The following ADGRL2 variants were observed in gnomAD, a reference collection of about 807,000 sequenced individuals.
The protein encoded by ADGRL2 is calcium-independent alpha-latrotoxin receptor 2.
Under a neutral mutation model 157.4 loss-of-function variants are expected in ADGRL2, and 44 were observed. The ratio of observed to expected loss-of-function variants is 0.28; its 90% CI spans 0.22 to 0.36. ADGRL2 has a LOEUF of 0.36. Ranked by LOEUF, ADGRL2 falls within the 10% of genes least tolerant of loss-of-function variation. The probability of loss-of-function intolerance (pLI) is 1.00; values close to 1 mark genes in which losing one functional copy is unlikely to be tolerated. For missense variants in ADGRL2, 1,510 were observed against 1,768.9 expected (o/e 0.85, Z 2.63); for synonymous variants, 585 against 624.7 (o/e 0.94, Z 0.95).
chr1:81,559,169 A>G (rs1029909629), intron 2 of ADGRL2, among the ~76,000 whole-genome samples: 2 of 152,166 alleles, frequency 1.3e-5, no homozygotes, highest in Non-Finnish European at 2.9e-5. Context: ...TGACCTCACC[A>G]TTAGCCTCTC....
intron 2 of ADGRL2, chr1:81,503,159 T>C (rs1056641720): frequency 6.2e-7 from 1 of 1,614,126 alleles, no homozygotes; most frequent in African/African-American, 1.3e-5. Flanking sequence ...CGCAACTTTT[T>C]CAGCATGGCA....
chr1:81,546,009 G>T (rs7539626), intron 2 of ADGRL2, among the ~76,000 whole-genome samples: 2,264 of 152,246 alleles, frequency 0.015, 56 homozygotes, highest in African/African-American at 0.051. Context: ...CACTGGGTGC[G>T]GGGGGAAGGG....
chr1:81,423,839 A>G (rs369210105), intron 1 of ADGRL2, among the ~76,000 whole-genome samples: 1 of 152,338 alleles, frequency 6.6e-6, no homozygotes, highest in East Asian at 1.9e-4. Context: ...AGCAAAGGTT[A>G]AATTGCTCTT....
At chr1:81,861,084 T>C (rs1337995008) in intron 2 of ADGRL2, among the ~76,000 whole-genome samples, 1 of 148,056 alleles carries the variant, frequency 6.8e-6, no homozygotes, top group African/African-American at 2.5e-5. Context: ...TGGCACAATC[T>C]CGGCTCACTG....
At chr1:81,535,859 G>A (rs1276615852) in intron 2 of ADGRL2, among the ~76,000 whole-genome samples, 5 of 152,050 alleles carry the variant, frequency 3.3e-5, no homozygotes, top group Admixed American at 6.6e-5. Context: ...TTAGAGGCAG[G>A]ATATAAAATG....
intron 2 of ADGRL2, among the ~76,000 whole-genome samples, chr1:81,888,840 A>G (rs956754812): frequency 6.6e-6 from 1 of 152,116 alleles, no homozygotes; most frequent in African/African-American, 2.4e-5. Context: ...TGCTCACTTC[A>G]TGTGTCTGTG....
intron 2 of ADGRL2, among the ~76,000 whole-genome samples, chr1:81,528,338 G>A (rs536238327): frequency 6.6e-6 from 1 of 152,066 alleles, no homozygotes; most frequent in Non-Finnish European, 1.5e-5. Context: ...GAAGGTAGCT[G>A]AGGTTCTTTA....
intron 3 of ADGRL2, among the ~76,000 whole-genome samples, chr1:81,933,241 AC>A (rs1199788241): frequency 1.3e-5 from 2 of 151,974 alleles, no homozygotes; most frequent in East Asian, 1.9e-4. Context: ...ACTCATTAAA[AC>A]CCTATTTTTT....
In ADGRL2 at chr1:81,475,247, A is replaced by G. The variant is rs151036569; in HGVS notation, c.-248+30158A>G. Among the ~76,000 whole-genome samples, 425 of 152,254 alleles carry G rather than the reference A, an allele frequency of 2.8e-3. 2 individuals carry two copies. Among genetic ancestry groups the G allele is most frequent in the African/African-American group, 9.6e-3 (397 of 41,548 alleles). Reference sequence around the variant, plus strand: ...GGGCATAAGTCATTACTGCCTTTCAAAATATAGGATGGTGGTGATTATTTT... The same window carrying G: ...GGGCATAAGTCATTACTGCCTTTCAGAATATAGGATGGTGGTGATTATTTT... On this transcript the variant is annotated intron_variant, in intron 2 of 24. Coordinates refer to the ADGRL2 transcript ENST00000370721.
intron 1 of ADGRL2, chr1:81,721,814 C>A: frequency 1.9e-6 from 2 of 1,026,842 alleles, no homozygotes; most frequent in Non-Finnish European, 3.0e-6. Flanking sequence ...CGGTAAAGTA[C>A]CACCTGCTAC....
At chr1:81,629,619 A>T (rs2081972846) in intron 3 of ADGRL2, among the ~76,000 whole-genome samples, 1 of 152,068 alleles carries the variant, frequency 6.6e-6, no homozygotes, top group Non-Finnish European at 1.5e-5. Flanking sequence ...CTTGGATCAT[A>T]ACAGGCAACA....
chr1:81,728,245 TG>T (rs1414991927), intron 1 of ADGRL2, among the ~76,000 whole-genome samples: 3 of 152,200 alleles, frequency 2.0e-5, no homozygotes, highest in Admixed American at 1.3e-4. Flanking sequence ...GTGAGAAACT[TG>T]TAGCCTGATT....
intron 1 of ADGRL2, among the ~76,000 whole-genome samples, chr1:81,442,783 T>C (rs1335829584): frequency 6.6e-6 from 1 of 152,176 alleles, no homozygotes; most frequent in Non-Finnish European, 1.5e-5. Flanking sequence ...GAAGGTCCCA[T>C]TGTAGAAGAA....
At chr1:81,694,934 T>C (rs992630326), upstream of ADGRL2, among the ~76,000 whole-genome samples, 15 of 152,314 alleles carry the variant, frequency 9.8e-5, no homozygotes, top group Admixed American at 6.5e-4. Context: ...CTTTTAGTAG[T>C]ATGTGTTATA....
At chr1:81,484,647 C>T (rs1251043156) in intron 2 of ADGRL2, among the ~76,000 whole-genome samples, 1 of 152,124 alleles carries the variant, frequency 6.6e-6, no homozygotes, top group East Asian at 1.9e-4. Context: ...ACAGTGTAGG[C>T]AGCATTTTAG....
intron 3 of ADGRL2, among the ~76,000 whole-genome samples, chr1:81,637,394 A>C (rs933984330): frequency 6.6e-6 from 1 of 152,208 alleles, no homozygotes; most frequent in African/African-American, 2.4e-5. Context: ...GCTAGTAGGT[A>C]GTAGAAAGAG....
intron 1 of ADGRL2, among the ~76,000 whole-genome samples, chr1:81,835,874 C>G (rs558146063): frequency 3.9e-5 from 6 of 152,066 alleles, no homozygotes; most frequent in Non-Finnish European, 7.4e-5. Context: ...AAGATAGTAC[C>G]TTTATAGGTA....
chr1:81,984,429 T>G, intron 19 of ADGRL2, 154 bp from the exon 20 acceptor site: 1 of 685,890 alleles, frequency 1.5e-6, no homozygotes, highest in East Asian at 2.7e-5. Flanking sequence ...GTAATTTTAA[T>G]TGAACTTGAT....
intron 2 of ADGRL2, among the ~76,000 whole-genome samples, chr1:81,837,395 A>C (rs2092336227): frequency 6.6e-6 from 1 of 151,892 alleles, no homozygotes; most frequent in Non-Finnish European, 1.5e-5. Flanking sequence ...ATTTTGTGGA[A>C]ATTTTCATCT....
Sources: gnomAD v4.1 joint callset for allele counts (sites outside exome capture counted in the v4.1 genomes callset) on GRCh38, gnomAD v4.1.1 for gene constraint, MANE v1.5 for transcripts, NCBI Gene and HGNC (gene_info 2026-07-23, HGNC 2026-07-21) for gene names.